The following DLG2 variants were observed in gnomAD, a reference collection of about 807,000 sequenced individuals.
DLG2 encodes disks large homolog 2.
A neutral mutation model predicts 132.5 loss-of-function variants in DLG2; 45 were observed. The ratio of observed to expected loss-of-function variants is 0.34; its 90% CI spans 0.27 to 0.44. The LOEUF (loss-of-function observed/expected upper bound fraction) is 0.44. Ranked by LOEUF, DLG2 falls within the 20% of genes least tolerant of loss-of-function variation. DLG2 has a pLI of 1.00. For synonymous variants in DLG2, 424 were observed against 419.6 expected, an observed-to-expected ratio of 1.01 and a Z score of -0.13; for missense variants, 1,045 against 1,196.9, an observed-to-expected ratio of 0.87 and a Z score of 1.87.
chr11:85,556,001 T>C (rs889435238), intron 3 of DLG2, among the ~76,000 whole-genome samples: 2 of 151,886 alleles, frequency 1.3e-5, no homozygotes, highest in African/African-American at 4.8e-5. Flanking sequence ...CATGTATACA[T>C]AAATCAATTT....
intron 6 of DLG2, among the ~76,000 whole-genome samples, chr11:84,797,523 T>G (rs2153951656): frequency 6.6e-6 from 1 of 152,292 alleles, no homozygotes; most frequent in African/African-American, 2.4e-5. Flanking sequence ...TGTGATGCAT[T>G]CTTTAGTATG....
intron 18 of DLG2, among the ~76,000 whole-genome samples, chr11:83,758,982 T>A (rs1203007824): frequency 6.6e-6 from 1 of 152,192 alleles, no homozygotes; most frequent in Non-Finnish European, 1.5e-5. Flanking sequence ...GGACATGTTA[T>A]TTATTTTCAC....
chr11:85,124,382 T>C (rs1357806272), intron 5 of DLG2, among the ~76,000 whole-genome samples: 1 of 152,226 alleles, frequency 6.6e-6, no homozygotes, highest in Non-Finnish European at 1.5e-5. Flanking sequence ...TGCTAGGATA[T>C]CTTATTTTCA....
intron 6 of DLG2, among the ~76,000 whole-genome samples, chr11:84,932,834 G>T (rs2048263270): frequency 6.6e-6 from 1 of 152,118 alleles, no homozygotes; most frequent in Non-Finnish European, 1.5e-5. Context: ...GTGTGCATGT[G>T]TCTTTATAGT....
intron 10 of DLG2, among the ~76,000 whole-genome samples, chr11:84,091,533 G>A (rs536778229): frequency 5.6e-4 from 86 of 152,312 alleles, no homozygotes; most frequent in Admixed American, 1.0e-3. Flanking sequence ...TGTTTCTGAA[G>A]TTTTGGGTGT....
chr11:85,473,477 T>A (rs932192551), intron 3 of DLG2, among the ~76,000 whole-genome samples: 3 of 152,170 alleles, frequency 2.0e-5, no homozygotes, highest in African/African-American at 4.8e-5. Flanking sequence ...AAGAACTATA[T>A]TTTTTAAAAA....
rs142138782 is a variant in DLG2, at chr11:85,493,062, T to C, written c.40+105595A>G. Among the ~76,000 whole-genome samples the C allele has an allele frequency of 5.8e-3, 889 of 152,204 alleles. 10 individuals carry two copies. Among genetic ancestry groups the C allele is most frequent in the African/African-American group, 0.021 (865 of 41,544 alleles). On this transcript the variant is annotated intron_variant, in intron 3 of 27. Transcript: ENST00000376104. ...TGGTTAATAATTTTCCTGAGTCATATTGGCAGGCTAACTATAAGTAAAAAT... is the reference window on the plus strand; with the variant it reads ...TGGTTAATAATTTTCCTGAGTCATACTGGCAGGCTAACTATAAGTAAAAAT...
At chr11:83,873,136 C>A (rs1474630688) in intron 16 of DLG2, among the ~76,000 whole-genome samples, 2 of 152,152 alleles carry the variant, frequency 1.3e-5, no homozygotes, top group Non-Finnish European at 2.9e-5. Flanking sequence ...GAGGACAGAG[C>A]CACACAGTGG....
chr11:84,369,358 T>A (rs188573265), intron 7 of DLG2, among the ~76,000 whole-genome samples: 1 of 152,286 alleles, frequency 6.6e-6, no homozygotes, highest in Non-Finnish European at 1.5e-5. Flanking sequence ...AAGTTATTCA[T>A]GACTTCAACA....
chr11:84,255,700 T>C (rs2097457519), intron 7 of DLG2, among the ~76,000 whole-genome samples: 1 of 152,182 alleles, frequency 6.6e-6, no homozygotes, highest in Non-Finnish European at 1.5e-5. Context: ...CAGATTCTAG[T>C]GTCCTTCTTT....
intron 21 of DLG2, among the ~76,000 whole-genome samples, chr11:83,525,194 A>G (rs1475478394): frequency 1.3e-5 from 2 of 152,200 alleles, no homozygotes; most frequent in Admixed American, 1.3e-4. Flanking sequence ...CAGGGTTTAC[A>G]TAGGACACAC....
chr11:84,166,214 C>A (rs564526056), intron 8 of DLG2, among the ~76,000 whole-genome samples: 2 of 151,872 alleles, frequency 1.3e-5, no homozygotes, highest in East Asian at 1.9e-4. Context: ...CTAAGAATAC[C>A]CCCCCAGGGC....
chr11:84,178,443 A>C (rs1272577383), intron 8 of DLG2, among the ~76,000 whole-genome samples: 1 of 152,110 alleles, frequency 6.6e-6, no homozygotes, highest in Non-Finnish European at 1.5e-5. Flanking sequence ...TATCCTCAAG[A>C]GACTACAGAA....
At position 85,402,083 on chromosome 11, in the gene DLG2, T is replaced by C. The variant is rs564705305; in HGVS notation, c.41-116718A>G. Among the ~76,000 whole-genome samples the C allele has an allele frequency of 2.0e-5, 3 of 152,282 alleles. No individual in the cohort carries two copies. In the East Asian group the frequency reaches 5.8e-4, roughly 29 times the overall value. On this transcript the variant is annotated intron_variant, in intron 3 of 27. Coordinates refer to ENST00000376104, the MANE Select transcript of DLG2 (RefSeq NM_001142699.3). ...AGCTGGAGGCATCACGCTACCTGAC[T>C]TCAAACTATACTACAAGGCTACAGT...
At chr11:84,679,347 T>A (rs960366278) in intron 6 of DLG2, among the ~76,000 whole-genome samples, 17 of 152,084 alleles carry the variant, frequency 1.1e-4, no homozygotes, top group Non-Finnish European at 1.6e-4. Flanking sequence ...TCAGGAATGT[T>A]TGCAAATGAT....
At chr11:84,951,292 T>A (rs1341820004) in intron 6 of DLG2, among the ~76,000 whole-genome samples, 4 of 152,178 alleles carry the variant, frequency 2.6e-5, no homozygotes, top group African/African-American at 9.7e-5. Context: ...ATCTTAAAGA[T>A]GAGACATGAA....
chr11:83,717,705 A>G (rs559592629), intron 18 of DLG2, among the ~76,000 whole-genome samples: 1 of 152,320 alleles, frequency 6.6e-6, no homozygotes, highest in Admixed American at 6.5e-5. Context: ...GAAATATCCT[A>G]CAAATAGATG....
chr11:84,533,354 A>T (rs1290593175), intron 7 of DLG2, among the ~76,000 whole-genome samples: 1 of 152,224 alleles, frequency 6.6e-6, no homozygotes, highest in Non-Finnish European at 1.5e-5. Context: ...CTCCAGGTTA[A>T]ACATACTCAT....
intron 6 of DLG2, among the ~76,000 whole-genome samples, chr11:84,788,917 G>A (rs573239799): frequency 5.9e-5 from 9 of 152,208 alleles, no homozygotes; most frequent in South Asian, 4.2e-4. Context: ...GCGACTCAGG[G>A]AAGCTCTGTT....
Sources: gnomAD v4.1 joint callset for allele counts (sites outside exome capture counted in the v4.1 genomes callset) on GRCh38, gnomAD v4.1.1 for gene constraint, MANE v1.5 for transcripts, NCBI Gene and HGNC (gene_info 2026-07-23, HGNC 2026-07-21) for gene names.